The following RBL1 variants were observed in gnomAD, a reference collection of about 807,000 sequenced individuals.
RBL1 encodes the protein RB transcriptional corepressor like 1.
In RBL1, 82 loss-of-function variants were observed where a neutral mutation model predicts 123.0. The observed-to-expected ratio is 0.67, with a 90% confidence interval of 0.56 to 0.80. The LOEUF (loss-of-function observed/expected upper bound fraction) is 0.80. Ranked by LOEUF, RBL1 falls within the 30% of genes least tolerant of loss-of-function variation. The pLI, the probability that RBL1 is intolerant of heterozygous loss-of-function variation, is 0.00. For synonymous variants in RBL1, 405 were observed against 441.3 expected, an observed-to-expected ratio of 0.92 and a Z score of 1.03; for missense variants, 1,171 against 1,299.6, an observed-to-expected ratio of 0.90 and a Z score of 1.52.
At chr20:37,082,985 G>C (rs2065476066) in intron 2 of RBL1, among the ~76,000 whole-genome samples, 1 of 152,130 alleles carries the variant, frequency 6.6e-6, no homozygotes, top group African/African-American at 2.4e-5. Context: ...CTGGGCAACA[G>C]AGTAAGACCC....
chr20:37,073,426 G>T (rs1302015351), intron 2 of RBL1, among the ~76,000 whole-genome samples: 2 of 152,082 alleles, frequency 1.3e-5, no homozygotes, highest in African/African-American at 4.8e-5. Context: ...TGCTGGGTGT[G>T]GTGGCTCATA....
intron 16 of RBL1, among the ~76,000 whole-genome samples, chr20:37,029,459 C>A (rs1442758907): frequency 2.0e-5 from 3 of 152,132 alleles, no homozygotes; most frequent in African/African-American, 7.2e-5. Flanking sequence ...CAAGGGTCAA[C>A]TGTATATAAA....
intron 6 of RBL1, among the ~76,000 whole-genome samples, chr20:37,066,379 AT>A (rs775392624): frequency 2.2e-4 from 34 of 152,338 alleles, no homozygotes; most frequent in Middle Eastern, 3.4e-3. Context: ...AGTTATTCAA[AT>A]TGTGGCAGTA....
Position 37,005,894 on chromosome 20 carries a change from C to CTTT in RBL1, c.2871+1514_2871+1516dup, listed in dbSNP as rs1013303071. 5.7e-3 allele frequency among the ~76,000 whole-genome samples: 564 copies of CTTT among 98,110 alleles called. 17 individuals are homozygous for CTTT. The highest frequency in any genetic ancestry group is 0.057 in the East Asian group (183 of 3,206). The allele number at this position is 98,110 out of a possible 152,430, so 64.4% of individuals were successfully genotyped here. The stretch of plus-strand genomic sequence containing the variant: ...CTTCTTTTCTTTTTTTTTTTTCTTT[C>CTTT]TTTTTTTTTTTTTTTTTTTGAGGCA... On this transcript the variant is annotated intron_variant, in intron 20 of 21. Coordinates refer to ENST00000373664, the MANE Select transcript of RBL1 (RefSeq NM_002895.5).
intron 7 of RBL1, 98 bp from the exon 8 acceptor site, chr20:37,062,368 C>A: frequency 1.4e-6 from 2 of 1,463,858 alleles, no homozygotes; most frequent in Non-Finnish European, 1.8e-6. Context: ...GAAAACTTGA[C>A]AACTTTCTAA....
chr20:37,095,788 G>T lies in RBL1; in HGVS notation c.141C>A (p.Gly47=). The T allele has an allele frequency of 6.2e-7, 1 of 1,609,058 alleles. No individual in the cohort carries two copies. Among genetic ancestry groups the T allele is most frequent in the Non-Finnish European group, 8.5e-7 (1 of 1,177,978 alleles). Residue 47 remains glycine, a synonymous_variant, in exon 1 of 22, where the codon GGC becomes GGA. Transcript: ENST00000373664. The part of the protein sequence containing the change: ...EALDDFTAIR[G]NYSLEGEVTH... Reference sequence around the variant, plus strand: ...TGCCGCTCACCTCTAGGCTGTAGTTGCCTCGGATGGCAGTAAAGTCGTCCA... The same window carrying T: ...TGCCGCTCACCTCTAGGCTGTAGTTTCCTCGGATGGCAGTAAAGTCGTCCA...
intron 21 of RBL1, among the ~76,000 whole-genome samples, chr20:36,999,176 A>G (rs996739686): frequency 6.6e-6 from 1 of 152,034 alleles, no homozygotes; most frequent in Non-Finnish European, 1.5e-5. Flanking sequence ...GGAGGCCAAG[A>G]TGGTTCAATC....
intron 13 of RBL1, among the ~76,000 whole-genome samples, chr20:37,042,119 G>A (rs1468839525): frequency 6.7e-6 from 1 of 148,636 alleles, no homozygotes; most frequent in Non-Finnish European, 1.5e-5. Context: ...CTAGAAAATG[G>A]GAGAAACATT....
rs754618455 is a variant in RBL1 at position 37,095,770 on chromosome 20, C to T, written c.156+3G>A. 1.9e-6 allele frequency: 3 copies of T among 1,584,860 alleles called. No homozygotes were observed. The highest frequency in any genetic ancestry group is 2.7e-5 in the African/African-American group (2 of 74,258). On this transcript the variant is annotated splice_donor_region_variant and intron_variant, in intron 1 of 21. Coordinates refer to ENST00000373664, the MANE Select transcript of RBL1 (RefSeq NM_002895.5). ...TCCGGCCGCCCCACCTGCTGCCGCT[C>T]ACCTCTAGGCTGTAGTTGCCTCGGA... is the stretch of plus-strand genomic sequence containing the variant.
At chr20:37,081,900 C>A (rs1314583425) in intron 2 of RBL1, 2 of 433,500 alleles carry the variant, frequency 4.6e-6, no homozygotes, top group Non-Finnish European at 4.6e-6. Flanking sequence ...GAGACCCCTG[C>A]TGGCTCAGCG....
At position 37,041,780 on chromosome 20, in the gene RBL1, T is replaced by G. The variant is rs573656911; in HGVS notation, c.1771-1495A>C. Among the ~76,000 whole-genome samples, 23 of 151,918 alleles carry G rather than the reference T, an allele frequency of 1.5e-4. No homozygotes were observed. The East Asian group carries it at 2.9e-3, about 19-fold the overall frequency. On this transcript the variant is annotated intron_variant, in intron 13 of 21. Coordinates refer to ENST00000373664, the MANE Select transcript of RBL1 (RefSeq NM_002895.5). Reference sequence around the variant, plus strand: ...TATCTGAATTGGACACCATCAAAATTAAAAATTTTTGCATTTCAAAGACAC... The same window carrying G: ...TATCTGAATTGGACACCATCAAAATGAAAAATTTTTGCATTTCAAAGACAC...
At chr20:36,999,836 TC>T (rs1288584241) in intron 21 of RBL1, among the ~76,000 whole-genome samples, 1 of 152,162 alleles carries the variant, frequency 6.6e-6, no homozygotes. Flanking sequence ...TGATCTCGGC[TC>T]GCTACAACCT....
At chr20:37,083,679 C>T (rs1689977524) in intron 2 of RBL1, among the ~76,000 whole-genome samples, 1 of 145,682 alleles carries the variant, frequency 6.9e-6, no homozygotes, top group African/African-American at 2.5e-5. Context: ...GTGGCATGCA[C>T]CTGTAGCCCC....
rs2063914252 is a variant in RBL1, at chr20:36,998,605, GATAA to G, written c.*150_*153del. 1 of 643,986 alleles carries G rather than the reference GATAA, an allele frequency of 1.6e-6. No homozygotes were observed. Among genetic ancestry groups the G allele is most frequent in the South Asian group, 2.3e-5 (1 of 42,860 alleles). 39.9% of individuals were successfully genotyped at this position (643,986 alleles called of 1,614,324 possible). ...ATACATCTCTGTCAACTACATTTTG[GATAA>G]ATATTTTAAAAAGCACATAATTTTT... On this transcript the variant is annotated 3_prime_UTR_variant, in exon 22 of 22. Transcript: ENST00000373664.
chr20:37,041,368 C>A (rs2064723267), intron 13 of RBL1, among the ~76,000 whole-genome samples: 2 of 152,094 alleles, frequency 1.3e-5, no homozygotes, highest in South Asian at 4.1e-4. Context: ...GTTGTCCAGG[C>A]TGGAGTGCAA....
At chr20:37,052,118 C>T (rs901139939) in intron 11 of RBL1, among the ~76,000 whole-genome samples, 36 of 151,710 alleles carry the variant, frequency 2.4e-4, no homozygotes, top group Non-Finnish European at 2.8e-4. Flanking sequence ...CAACAACCTC[C>T]ACCTCCCAGG....
chr20:37,091,154 T>C (rs2146338919), intron 1 of RBL1, among the ~76,000 whole-genome samples: 1 of 151,662 alleles, frequency 6.6e-6, no homozygotes, highest in Non-Finnish European at 1.5e-5. Flanking sequence ...GTCAGGAGTT[T>C]GAGAGCAGCC....
intron 19 of RBL1, among the ~76,000 whole-genome samples, chr20:37,009,601 C>A (rs2064122131): frequency 2.0e-5 from 3 of 151,894 alleles, no homozygotes; most frequent in Non-Finnish European, 4.4e-5. Flanking sequence ...CTCAAGTGAT[C>A]CTCCCACCTT....
intron 1 of RBL1, 88 bp downstream of exon 1, chr20:37,095,685 C>A: frequency 7.8e-7 from 1 of 1,279,696 alleles, no homozygotes; most frequent in Non-Finnish European, 1.0e-6. Context: ...TGGGGAAACT[C>A]CCACCACCCC....
Sources: gnomAD v4.1 joint callset for allele counts (sites outside exome capture counted in the v4.1 genomes callset) on GRCh38, gnomAD v4.1.1 for gene constraint, MANE v1.5 for transcripts, NCBI Gene and HGNC (gene_info 2026-07-23, HGNC 2026-07-21) for gene names.